The following PARP4 variants were observed in gnomAD, a reference collection of about 807,000 sequenced individuals.
The protein encoded by PARP4 is poly(ADP-ribose) polymerase family member 4.
A neutral mutation model predicts 187.7 loss-of-function variants in PARP4; 120 were observed. That is an observed-to-expected ratio of 0.64 (90% CI 0.55 to 0.74). PARP4 has a LOEUF of 0.74. Ranked by LOEUF, PARP4 falls within the 30% of genes least tolerant of loss-of-function variation. The probability of loss-of-function intolerance (pLI) is 0.00; values close to 1 mark genes in which losing one functional copy is unlikely to be tolerated. For missense variants in PARP4, 1,836 were observed against 2,070.5 expected, an observed-to-expected ratio of 0.89 and a Z score of 2.20; for synonymous variants, 654 against 740.9, an observed-to-expected ratio of 0.88 and a Z score of 1.90.
At chr13:24,485,122 T>G (rs1318412111) in intron 11 of PARP4, among the ~76,000 whole-genome samples, 4 of 152,196 alleles carry the variant, frequency 2.6e-5, no homozygotes, top group Admixed American at 1.3e-4. Flanking sequence ...GTATGAGAAA[T>G]GAGGTAAAGG....
intron 19 of PARP4, 26 bp from the exon 20 acceptor site, chr13:24,459,148 C>T: frequency 6.3e-7 from 1 of 1,587,606 alleles, no homozygotes; most frequent in Non-Finnish European, 8.6e-7. Context: ...AGAAAGTTGT[C>T]TTAGTCTACG....
chr13:24,492,549 T>G lies in PARP4; in HGVS notation c.925A>C (p.Lys309Gln). 6.2e-7 allele frequency: 1 copy of G among 1,614,162 alleles called. No individual in the cohort carries two copies. Among genetic ancestry groups the G allele is most frequent in the Non-Finnish European group, 8.5e-7 (1 of 1,179,992 alleles). Residue 309 changes from lysine (K) to glutamine (Q), a missense_variant, in exon 9 of 34, where the codon AAA (lysine) becomes CAA (glutamine). Physicochemically the swap from Lys to Gln is moderately conservative, Grantham distance 53. Around this residue, in one of 8 missense-constraint regions of PARP4, gnomAD observed 1,147 missense variants for 1,214.2 expected, o/e 0.94. Transcript: ENST00000381989. The part of the protein sequence containing the change: ...GILLLVKAAL[K>Q]NGETAEQLQK... ...AATTGCTCTGCTGTTTCTCCATTTT[T>G]CAGTGCTGCCTTTACTAGAAGGAGA...
chr13:24,468,071 A>T (rs937189162), intron 17 of PARP4, among the ~76,000 whole-genome samples: 3 of 152,174 alleles, frequency 2.0e-5, no homozygotes, highest in Non-Finnish European at 2.9e-5. Flanking sequence ...CACCATGGCC[A>T]TGTGTCACCC....
In PARP4 at chr13:24,461,796, C is replaced by T. The variant is rs75894607; in HGVS notation, c.2134-1660G>A. The stretch of plus-strand genomic sequence containing the variant: ...GGGAAGGGCAGCAAACTCTCACTTC[C>T]AGAGCTGCGGGGAAGGGGCAGAAGT... On this transcript the variant is annotated intron_variant, in intron 17 of 33. Transcript: ENST00000381989. Among the ~76,000 whole-genome samples the T allele has an allele frequency of 9.0e-3, 1,370 of 152,272 alleles. 35 individuals carry two copies. Among genetic ancestry groups the T allele is most frequent in the African/African-American group, 0.03 (1,252 of 41,544 alleles).
chr13:24,476,143 CT>C (rs995508318), intron 14 of PARP4, among the ~76,000 whole-genome samples: 8 of 146,710 alleles, frequency 5.5e-5, no homozygotes, highest in East Asian at 4.0e-4. Flanking sequence ...TTCTTCTTTT[CT>C]TTTTTTTTTC....
At chr13:24,446,539 A>C (rs1871217766) in intron 27 of PARP4, 142 bp downstream of exon 27, 1 of 620,024 alleles carries the variant, frequency 1.6e-6, no homozygotes, top group African/African-American at 1.9e-5. Context: ...ATGTTTTAAG[A>C]AAGTTTACGA....
chr13:24,436,902 G>A (rs1870665967), intron 30 of PARP4, among the ~76,000 whole-genome samples: 2 of 151,990 alleles, frequency 1.3e-5, no homozygotes, highest in South Asian at 4.1e-4. Flanking sequence ...TAATATTATA[G>A]AACATATGAA....
intron 17 of PARP4, among the ~76,000 whole-genome samples, chr13:24,467,192 C>A (rs1872518327): frequency 6.6e-6 from 1 of 152,058 alleles, no homozygotes; most frequent in African/African-American, 2.4e-5. Flanking sequence ...ATAAGTCGTC[C>A]TAGGCTGGGC....
intron 10 of PARP4, among the ~76,000 whole-genome samples, chr13:24,488,662 T>C (rs2137527180): frequency 1.3e-5 from 2 of 152,296 alleles, no homozygotes; most frequent in African/African-American, 4.8e-5. Flanking sequence ...CCCGGACTTT[T>C]TAAAAATTAA....
intron 17 of PARP4, among the ~76,000 whole-genome samples, chr13:24,465,731 T>C (rs982194800): frequency 3.3e-5 from 5 of 151,628 alleles, no homozygotes; most frequent in Non-Finnish European, 7.4e-5. Context: ...CATTTGCCTA[T>C]GTAACAAACC....
At chr13:24,491,505 C>T (rs1868647905) in intron 9 of PARP4, among the ~76,000 whole-genome samples, 1 of 152,160 alleles carries the variant, frequency 6.6e-6, no homozygotes, top group Non-Finnish European at 1.5e-5. Flanking sequence ...CAGTTCTTTC[C>T]TTATTTTGGA....
intron 33 of PARP4, among the ~76,000 whole-genome samples, chr13:24,424,071 C>T (rs1168121874): frequency 7.2e-5 from 11 of 152,070 alleles, no homozygotes; most frequent in Admixed American, 2.0e-4. Context: ...GTGACCCTCC[C>T]GTCTCAGCCT....
At chr13:24,490,578 T>A in intron 10 of PARP4, 90 bp downstream of exon 10, 1 of 993,938 alleles carries the variant, frequency 1.0e-6, no homozygotes, top group South Asian at 1.5e-5. Flanking sequence ...TGCTGAAGAT[T>A]ATCTAGGTAA....
chr13:24,427,398 G>A (rs552051572), intron 32 of PARP4, among the ~76,000 whole-genome samples: 1 of 123,546 alleles, frequency 8.1e-6, no homozygotes, highest in South Asian at 2.5e-4. Flanking sequence ...GGAGAAGACA[G>A]GGGCTCACTC....
intron 11 of PARP4, among the ~76,000 whole-genome samples, chr13:24,485,950 T>C (rs7981053): frequency 0.11 from 16,561 of 152,122 alleles, 974 homozygotes; most frequent in African/African-American, 0.12. Context: ...TCCCAAAGTA[T>C]TAGGATTACA....
chr13:24,446,437 A>G (rs1245534431), intron 27 of PARP4, among the ~76,000 whole-genome samples: 1 of 151,586 alleles, frequency 6.6e-6, no homozygotes, highest in African/African-American at 2.4e-5. Context: ...CCACAGTGGA[A>G]GAGGAAGAAC....
At chr13:24,442,847 A>G (rs1185090205) in intron 28 of PARP4, among the ~76,000 whole-genome samples, 162 bp from the exon 29 acceptor site, 1 of 151,948 alleles carries the variant, frequency 6.6e-6, no homozygotes, top group Non-Finnish European at 1.5e-5. Flanking sequence ...TGACTTAGTC[A>G]TAGAAAGTGT....
chr13:24,505,127 G>A (rs1869547222), intron 1 of PARP4, among the ~76,000 whole-genome samples: 1 of 150,466 alleles, frequency 6.6e-6, no homozygotes. Context: ...GAGAAGGTGA[G>A]GGTTAAAGAA....
chr13:24,424,479 G>A (rs1418484253), intron 33 of PARP4, among the ~76,000 whole-genome samples: 2 of 152,026 alleles, frequency 1.3e-5, no homozygotes, highest in Non-Finnish European at 2.9e-5. Flanking sequence ...TCTAATTCAA[G>A]TTTAGAAATC....
Sources: allele counts gnomAD v4.1 joint callset (sites outside exome capture counted in the v4.1 genomes callset), GRCh38; gene constraint gnomAD v4.1.1; regional missense constraint gnomAD v4.1.1; transcripts MANE v1.5; gene names NCBI Gene and HGNC (gene_info 2026-07-23, HGNC 2026-07-21).